The following YIF1A variants were observed in gnomAD, a reference collection of about 807,000 sequenced individuals.
YIF1A encodes Yip1 interacting factor homolog A, membrane trafficking protein.
In YIF1A, 28 loss-of-function variants were observed where a neutral mutation model predicts 32.6. The ratio of observed to expected loss-of-function variants is 0.86; its 90% CI spans 0.64 to 1.18. YIF1A has a LOEUF of 1.18. Ranked by LOEUF, YIF1A falls within the 50% of genes most tolerant of loss-of-function variation. YIF1A has a pLI of 0.00. For missense variants in YIF1A, 373 were observed against 390.8 expected, an observed-to-expected ratio of 0.95 and a Z score of 0.38; for synonymous variants, 175 against 162.2, an observed-to-expected ratio of 1.08 and a Z score of -0.60.
Position 66,285,547 on chromosome 11 carries a change from GC to G in YIF1A, c.486-12del. On this transcript the variant is annotated splice_polypyrimidine_tract_variant and intron_variant, in intron 5 of 7. Transcript: ENST00000376901. The stretch of plus-strand genomic sequence containing the variant: ...ACCTCCGGGGAGAACCTGCGCCAAA[GC>G]AGGGGTGGCTCAGAGCCAGGCATCC... The G allele has an allele frequency of 6.2e-7, 1 of 1,612,846 alleles. No homozygotes were observed. The highest frequency in any genetic ancestry group is 1.1e-5 in the South Asian group (1 of 91,080).
intron 4 of YIF1A, among the ~76,000 whole-genome samples, chr11:66,286,442 C>A (rs1174853221): frequency 1.3e-5 from 2 of 152,162 alleles, no homozygotes; most frequent in East Asian, 3.9e-4. Context: ...CATGGCAAAA[C>A]CCTGTCTCTA....
rs930704258 is a variant in YIF1A at position 66,289,007 on chromosome 11, C to A, written c.-22G>T. 4 of 1,576,742 alleles carry A rather than the reference C, an allele frequency of 2.5e-6. No individual in the cohort carries two copies. In the African/African-American group the frequency reaches 4.1e-5, roughly 16 times the overall value. On this transcript the variant is annotated 5_prime_UTR_variant, in exon 1 of 8. Transcript: ENST00000376901. Reference sequence around the variant, plus strand: ...CCATGGCCGCGACGCTCGCTGTCCCCGAGGGCCCGCTGCGCCGCCTCGTGG... The same window carrying A: ...CCATGGCCGCGACGCTCGCTGTCCCAGAGGGCCCGCTGCGCCGCCTCGTGG...
chr11:66,284,625 G>A lies in YIF1A; in HGVS notation c.*12C>T. On this transcript the variant is annotated 3_prime_UTR_variant, in exon 8 of 8. Coordinates refer to ENST00000376901, the MANE Select transcript of YIF1A (RefSeq NM_020470.3). Reference sequence around the variant, plus strand: ...ATGAATGAAAAACTCAGTGCCATCTGGGGCCAGGGGGTCACCGGACCAGGT... The same window carrying A: ...ATGAATGAAAAACTCAGTGCCATCTAGGGCCAGGGGGTCACCGGACCAGGT... The A allele has an allele frequency of 6.2e-7, 1 of 1,612,068 alleles. No homozygotes were observed. The highest frequency in any genetic ancestry group is 8.5e-7 in the Non-Finnish European group (1 of 1,179,606).
chr11:66,285,132 G>T, intron 6 of YIF1A, 166 bp from the exon 7 acceptor site: 1 of 878,482 alleles, frequency 1.1e-6, no homozygotes. Context: ...GGAAGGCCCA[G>T]GACTCAGCCC....
At chr11:66,284,838 G>A in intron 7 of YIF1A, 35 bp downstream of exon 7, 1 of 1,612,624 alleles carries the variant, frequency 6.2e-7, no homozygotes, top group Non-Finnish European at 8.5e-7. Context: ...GCCCTCAAGT[G>A]AAGGCAGGGG....
intron 1 of YIF1A, 104 bp from the exon 2 acceptor site, chr11:66,288,396 C>A: frequency 7.2e-7 from 1 of 1,397,008 alleles, no homozygotes; most frequent in Non-Finnish European, 1.0e-6. Context: ...CCTGGAGGCA[C>A]CGATCAGTGA....
chr11:66,284,649 G>A lies in YIF1A; in HGVS notation c.870C>T (p.His290=). The part of the protein sequence containing the change: ...QPLIIYWLTF[H]LVR ...TGGGGCCAGGGGGTCACCGGACCAG[G>A]TGGAAAGTCAGCCAGTATATGATGA... The change falls in exon 8 of 8, where the codon CAC becomes CAT. Residue 290 remains histidine (H), a synonymous_variant. Transcript: ENST00000376901. 6.2e-7 allele frequency: 1 copy of A among 1,612,876 alleles called. No individual in the cohort carries two copies. Among genetic ancestry groups the A allele is most frequent in the Non-Finnish European group, 8.5e-7 (1 of 1,179,964 alleles).
chr11:66,287,617 G>T lies in YIF1A; in HGVS notation c.408C>A (p.Ala136=), dbSNP rs756738786. 4 of 1,613,526 alleles carry T rather than the reference G, an allele frequency of 2.5e-6. No individual in the cohort carries two copies. Among genetic ancestry groups the T allele is most frequent in the Non-Finnish European group, 3.4e-6 (4 of 1,179,966 alleles). Residue 136 remains alanine, a synonymous_variant, in exon 4 of 8, where the codon GCC becomes GCA. Transcript: ENST00000376901. ...ACTCACTGGGGATATAGAGGTCAGGGGCGTTGAGGTCTTGCCGGGGGGGCA... is the reference window on the plus strand; with the variant it reads ...ACTCACTGGGGATATAGAGGTCAGGTGCGTTGAGGTCTTGCCGGGGGGGCA... The part of the protein sequence containing the change: ...APLPPRQDLN[A]PDLYIPTMAF...
chr11:66,287,764 T>A (rs758783677), intron 3 of YIF1A, 48 bp downstream of exon 3: 1 of 1,611,032 alleles, frequency 6.2e-7, no homozygotes, highest in Admixed American at 1.7e-5. Flanking sequence ...GGGGCCAGAC[T>A]CGGGCAGAAT....
At chr11:66,287,752 T>C in intron 3 of YIF1A, 60 bp downstream of exon 3, 1 of 1,610,160 alleles carries the variant, frequency 6.2e-7, no homozygotes, top group Non-Finnish European at 8.5e-7. Context: ...GGTTGAGGTC[T>C]GGGGGCCAGA....
At chr11:66,288,055 AC>A in intron 2 of YIF1A, 25 bp downstream of exon 2, 1 of 1,610,814 alleles carries the variant, frequency 6.2e-7, no homozygotes, top group Non-Finnish European at 8.5e-7. Flanking sequence ...AAATTCTGCC[AC>A]CCGTGCCCCG....
chr11:66,286,355 G>A (rs924979301), intron 4 of YIF1A, among the ~76,000 whole-genome samples: 12 of 152,230 alleles, frequency 7.9e-5, no homozygotes, highest in Admixed American at 7.9e-4. Context: ...AGTAGCTCAC[G>A]CCTGTAATCC....
At position 66,285,748 on chromosome 11, in the gene YIF1A, G is replaced by A. The variant is rs1179404058; in HGVS notation, c.438C>T (p.Phe146=). The change falls in exon 5 of 8, where the codon TTC becomes TTT. Residue 146 remains phenylalanine, a synonymous_variant. Coordinates refer to ENST00000376901, the MANE Select transcript of YIF1A (RefSeq NM_020470.3). The part of the protein sequence containing the change: ...APDLYIPTMA[F]ITYVLLAGMA... Reference sequence around the variant, plus strand: ...TCCCAGCCAGGAGCACGTAAGTAATGAAGGCCATCGCTGCCAAGTGCCAGA... The same window carrying A: ...TCCCAGCCAGGAGCACGTAAGTAATAAAGGCCATCGCTGCCAAGTGCCAGA... 2 of 1,612,902 alleles carry A rather than the reference G, an allele frequency of 1.2e-6. No homozygotes were observed. Among genetic ancestry groups the A allele is most frequent in the Non-Finnish European group, 8.5e-7 (1 of 1,179,880 alleles).
Position 66,288,235 on chromosome 11 carries a change from C to T in YIF1A, c.89G>A (p.Ser30Asn). The T allele has an allele frequency of 6.2e-7, 1 of 1,614,074 alleles. No individual in the cohort carries two copies. The highest frequency in any genetic ancestry group is 8.5e-7 in the Non-Finnish European group (1 of 1,180,032). The part of the protein sequence containing the change: ...PDPPPLFDDT[S>N]GGYSSQPGGY... ...CCCGGGCTGGCTGGAATAACCACCG[C>T]TTGTGTCATCGAAGAGGGGAGGGGG... Residue 30 changes from serine (S) to asparagine (N), a missense_variant, in exon 2 of 8, where the codon AGC (serine) becomes AAC (asparagine). Physicochemically the swap from Ser to Asn is conservative, Grantham distance 46. Coordinates refer to ENST00000376901, the MANE Select transcript of YIF1A (RefSeq NM_020470.3).
In YIF1A at chr11:66,288,860, G is replaced by A. The variant is rs549395403; in HGVS notation, c.31+95C>T. 8.9e-6 allele frequency: 12 copies of A among 1,346,134 alleles called. No homozygotes were observed. The South Asian group carries it at 1.6e-4, about 18-fold the overall frequency. The allele number at this position is 1,346,134 out of a possible 1,614,324, so 83.4% of individuals were successfully genotyped here. A position where few individuals can be genotyped will look rare whatever the true frequency, so the allele number is the denominator to read the frequency against. On this transcript the variant is annotated intron_variant, in intron 1 of 7. Coordinates refer to ENST00000376901, the MANE Select transcript of YIF1A (RefSeq NM_020470.3). ...CCCGAGTGACACCCCCGCCCTGGGC[G>A]GCGGTCCCAGTCGCTATCTCCCTCG...
At chr11:66,286,490 G>T (rs938104466) in intron 4 of YIF1A, among the ~76,000 whole-genome samples, 1 of 152,194 alleles carries the variant, frequency 6.6e-6, no homozygotes. Flanking sequence ...GGTGGCAGGC[G>T]CCTGTAGCCT....
Position 66,287,811 on chromosome 11 carries a change from C to G in YIF1A, c.348+1G>C. On this transcript the variant is annotated splice_donor_variant, in intron 3 of 7. Coordinates refer to ENST00000376901, the MANE Select transcript of YIF1A (RefSeq NM_020470.3). LOFTEE classifies it high-confidence loss of function. ...ACCAGCTCCCTTGGTAGGAAGCTCA[C>G]CTGGTGTGTGTAGGGGAAGACCAGC... 1 of 1,614,014 alleles carries G rather than the reference C, an allele frequency of 6.2e-7. No homozygotes were observed.
rs750803807 is a variant in YIF1A at position 66,285,425 on chromosome 11, C to T, written c.597G>A (p.Leu199=). ...TGTAGGCCAGCAGGTGAAAGGTGCT[C>T]AGGTCACTGCGCACGGTGGCCAGGT... ...GLYLATVRSD[L]STFHLLAYSG... is the part of the protein sequence containing the mutation. The change falls in exon 6 of 8, where the codon CTG becomes CTA. Residue 199 remains leucine, a synonymous_variant. Transcript: ENST00000376901. The T allele has an allele frequency of 2.5e-5, 40 of 1,613,354 alleles. No homozygotes were observed. In the East Asian group the frequency reaches 8.7e-4, roughly 35 times the overall value.
chr11:66,284,937 A>C lies in YIF1A; in HGVS notation c.671T>G (p.Leu224Arg). 1 of 1,613,354 alleles carries C rather than the reference A, an allele frequency of 6.2e-7. No homozygotes were observed. The highest frequency in any genetic ancestry group is 8.5e-7 in the Non-Finnish European group (1 of 1,179,968). The change falls in exon 7 of 8, where the codon CTG (leucine) becomes CGG (arginine). Residue 224 changes from leucine to arginine, a missense_variant. Coordinates refer to ENST00000376901, the MANE Select transcript of YIF1A (RefSeq NM_020470.3). ...GMILSVLTGL[L>R]FGSDGYYVAL... ...CACGTAGTAGCCATCGCTGCCGAAC[A>C]GCAGCCCCGTGAGCACACTGAGGAT...
Sources: allele counts gnomAD v4.1 joint callset (sites outside exome capture counted in the v4.1 genomes callset), GRCh38; gene constraint gnomAD v4.1.1; transcripts MANE v1.5; gene names NCBI Gene and HGNC (gene_info 2026-07-23, HGNC 2026-07-21).